The following PARP14 variants were observed in gnomAD, a reference collection of about 807,000 sequenced individuals.
PARP14 encodes protein mono-ADP-ribosyltransferase PARP14.
PARP14 carries 59 observed loss-of-function variants against 154.2 expected under a neutral mutation model. The observed-to-expected ratio is 0.38, with a 90% CI of 0.31 to 0.48. PARP14 has a LOEUF of 0.48. Ranked by LOEUF, PARP14 falls within the 20% of genes least tolerant of loss-of-function variation. The pLI is 0.98. For synonymous variants in PARP14, 720 were observed against 780.5 expected (o/e 0.92, Z 1.29); for missense variants, 1,734 against 2,131.6 (o/e 0.81, Z 3.67).
intron 5 of PARP14, among the ~76,000 whole-genome samples, chr3:122,696,780 A>T (rs923167571): frequency 6.6e-6 from 1 of 152,176 alleles, no homozygotes; most frequent in Admixed American, 6.5e-5. Flanking sequence ...AGAGCTATTC[A>T]TGTAAACTCT....
chr3:122,693,856 GAAAAGAAAAGA>G (rs71621687), intron 4 of PARP14, among the ~76,000 whole-genome samples: 22,619 of 142,886 alleles, frequency 0.16, 1,692 homozygotes, highest in Admixed American at 0.18. Flanking sequence ...AAAAAAAAAA[GAAAAGAAAAGA>G]AAAAGAAAAG....
chr3:122,694,254 C>A (rs1938689509), intron 4 of PARP14, among the ~76,000 whole-genome samples: 2 of 152,314 alleles, frequency 1.3e-5, no homozygotes, highest in Non-Finnish European at 2.9e-5. Flanking sequence ...TTCATAATGT[C>A]CAGAATATAT....
At chr3:122,712,889 T>C (rs917383690) in intron 9 of PARP14, among the ~76,000 whole-genome samples, 3 of 152,186 alleles carry the variant, frequency 2.0e-5, no homozygotes, top group Non-Finnish European at 4.4e-5. Context: ...TCCTTAAGGG[T>C]TGATCAAATT....
rs1939097431 is a variant in PARP14, at chr3:122,704,744, T to C, written c.3536T>C (p.Ile1179Thr). 1 of 1,578,650 alleles carries C rather than the reference T, an allele frequency of 6.3e-7. No individual in the cohort carries two copies. Among genetic ancestry groups the C allele is most frequent in the East Asian group, 2.3e-5 (1 of 44,314 alleles). The change falls in exon 8 of 17, where the codon ATT becomes ACT. Residue 1179 changes from isoleucine (I) to threonine (T), a missense_variant. By Grantham distance (89) the Ile-to-Thr change is moderately conservative. Transcript: ENST00000474629. ...CTGCACCCGAGTGATCATGAAAATA[T>C]TCAGGTACAGTGCCACTAATTTCTG... Reference protein sequence around the residue: ...FLLHPSDHENIQAFSDEFARR... With the variant: ...FLLHPSDHENTQAFSDEFARR...
chr3:122,700,037 C>G lies in PARP14; in HGVS notation c.1483C>G (p.Pro495Ala). 1 of 1,613,856 alleles carries G rather than the reference C, an allele frequency of 6.2e-7. No homozygotes were observed. Among genetic ancestry groups the G allele is most frequent in the Non-Finnish European group, 8.5e-7 (1 of 1,179,828 alleles). ...SLLDHLLTEC[P>A]EIEICYDRVT... is the part of the protein sequence containing the mutation. ...ACTGGACCATTTACTCACGGAGTGC[C>G]CAGAGATAGAGATTTGTTACGATAG... is the stretch of plus-strand genomic sequence containing the variant. The change falls in exon 6 of 17, where the codon CCA (proline) becomes GCA (alanine). Residue 495 changes from proline (P) to alanine (A), a missense_variant. Coordinates refer to ENST00000474629, the MANE Select transcript of PARP14 (RefSeq NM_017554.3).
At chr3:122,685,628 G>A (rs1359883883) in intron 2 of PARP14, among the ~76,000 whole-genome samples, 2 of 151,728 alleles carry the variant, frequency 1.3e-5, no homozygotes, top group Non-Finnish European at 2.9e-5. Flanking sequence ...TTCTGCCTTA[G>A]CCTCCTGAGT....
intron 15 of PARP14, chr3:122,721,716 A>G (rs1933169823): frequency 6.6e-6 from 1 of 152,246 alleles, no homozygotes; most frequent in Admixed American, 6.5e-5. Flanking sequence ...CTTTCTGAGT[A>G]AAGCCGGAGA....
intron 6 of PARP14, among the ~76,000 whole-genome samples, chr3:122,702,842 C>G (rs1337914252): frequency 6.6e-6 from 1 of 151,712 alleles, no homozygotes; most frequent in East Asian, 1.9e-4. Flanking sequence ...CATTCTTTCC[C>G]AGCTAGGCAT....
chr3:122,719,811 A>G (rs2107653980), intron 14 of PARP14, among the ~76,000 whole-genome samples: 1 of 152,344 alleles, frequency 6.6e-6, no homozygotes, highest in Middle Eastern at 3.4e-3. Context: ...ATAGATGTAG[A>G]GTGCCTGTGG....
chr3:122,719,900 T>C (rs1933115589), intron 14 of PARP14, among the ~76,000 whole-genome samples: 1 of 152,078 alleles, frequency 6.6e-6, no homozygotes, highest in East Asian at 1.9e-4. Context: ...GGGAAATAAT[T>C]TATTGTGAAA....
chr3:122,715,605 T>TCTAC (rs1013469299), intron 12 of PARP14, among the ~76,000 whole-genome samples: 2 of 117,028 alleles, frequency 1.7e-5, no homozygotes, highest in African/African-American at 6.2e-5. Flanking sequence ...CATCTATCTA[T>TCTAC]CTATCTATCT....
In PARP14 at chr3:122,700,991, C is replaced by T. The variant is rs201424511; in HGVS notation, c.2437C>T (p.Arg813Trp). ...GATTGTGCAGCAGGGTGACTTGGCA[C>T]GGCTTCCTGTCGATGTGGTGGTGAA... ...VLIVQQGDLA[R>W]LPVDVVVNAS... The change falls in exon 6 of 17, where the codon CGG (arginine) becomes TGG (tryptophan). Residue 813 changes from arginine (R) to tryptophan (W), a missense_variant. By Grantham distance (101) the Arg-to-Trp change is moderately radical (BLOSUM62 -3). Coordinates refer to ENST00000474629, the MANE Select transcript of PARP14 (RefSeq NM_017554.3). 1.3e-4 allele frequency: 207 copies of T among 1,613,866 alleles called. No individual in the cohort carries two copies. The highest frequency in any genetic ancestry group is 1.6e-4 in the Middle Eastern group (1 of 6,084).
At chr3:122,686,759 G>A (rs896699722) in intron 2 of PARP14, 2 of 237,212 alleles carry the variant, frequency 8.4e-6, no homozygotes, top group East Asian at 2.1e-4. Flanking sequence ...GAGCCACCAA[G>A]TCCAGCCTCA....
At chr3:122,715,646 CTATCT>C (rs1932978996) in intron 12 of PARP14, among the ~76,000 whole-genome samples, 1 of 149,338 alleles carries the variant, frequency 6.7e-6, no homozygotes, top group Non-Finnish European at 1.5e-5. Context: ...ATCTATCTAT[CTATCT>C]ATCGATCTGT....
At chr3:122,717,461 C>A (rs954859703) in intron 12 of PARP14, among the ~76,000 whole-genome samples, 1 of 152,166 alleles carries the variant, frequency 6.6e-6, no homozygotes, top group Non-Finnish European at 1.5e-5. Flanking sequence ...TAAAATCTCA[C>A]TGAGTGTGGA....
intron 2 of PARP14, among the ~76,000 whole-genome samples, chr3:122,685,794 C>T (rs1938357330): frequency 6.6e-6 from 1 of 152,106 alleles, no homozygotes; most frequent in Admixed American, 6.5e-5. Flanking sequence ...AGTCATGAGC[C>T]ACCGCACCCT....
intron 15 of PARP14, among the ~76,000 whole-genome samples, chr3:122,725,986 G>T (rs1178098330): frequency 6.6e-6 from 1 of 151,808 alleles, no homozygotes; most frequent in Non-Finnish European, 1.5e-5. Flanking sequence ...TTGACTTATT[G>T]AACTGTAATG....
intron 8 of PARP14, among the ~76,000 whole-genome samples, chr3:122,705,358 C>T (rs1391621858): frequency 1.3e-5 from 2 of 152,200 alleles, no homozygotes; most frequent in East Asian, 1.9e-4. Context: ...GGATTTCCCT[C>T]CATATGGACA....
At position 122,718,471 on chromosome 3, in the gene PARP14, A is replaced by G. The variant is rs1933060262; in HGVS notation, c.4320A>G (p.Glu1440=). ...GTGGTGAAAATGTCACGTGTGTGGA[A>G]TATGCTATCTCCTGGCTACAAGACC... ...RVCGENVTCV[E]YAISWLQDLI... is the part of the protein sequence containing the mutation. The change falls in exon 14 of 17, where the codon GAA becomes GAG. Residue 1440 remains glutamate, a synonymous_variant. Coordinates refer to ENST00000474629, the MANE Select transcript of PARP14 (RefSeq NM_017554.3). 2 of 1,614,032 alleles carry G rather than the reference A, an allele frequency of 1.2e-6. No individual in the cohort carries two copies. The highest frequency in any genetic ancestry group is 1.7e-5 in the Admixed American group (1 of 60,016).
Sources: allele counts gnomAD v4.1 joint callset (sites outside exome capture counted in the v4.1 genomes callset), GRCh38; gene constraint gnomAD v4.1.1; transcripts MANE v1.5; gene names NCBI Gene and HGNC (gene_info 2026-07-23, HGNC 2026-07-21).